Variants in SSBP4 observed in about 807,000 individuals in gnomAD.
SSBP4 encodes the protein single stranded DNA binding protein 4.
SSBP4 carries 33 observed loss-of-function variants against 64.6 expected under a neutral mutation model. That is an observed-to-expected ratio of 0.51 (90% CI 0.39 to 0.68). SSBP4 has a LOEUF of 0.68. SSBP4 is among the 30% of genes least tolerant of loss of function. The pLI, the probability that SSBP4 is intolerant of heterozygous loss-of-function variation, is 0.00. For synonymous variants in SSBP4, 243 were observed against 224.0 expected (o/e 1.08, Z -0.76); for missense variants, 583 against 566.8 (o/e 1.03, Z -0.29).
rs577103190 is a variant in SSBP4 at position 18,429,308 on chromosome 19, C to T, written c.279+1326C>T. Among the ~76,000 whole-genome samples, 105 of 152,040 alleles carry T rather than the reference C, an allele frequency of 6.9e-4. 1 individual carries two copies. The highest frequency in any genetic ancestry group is 2.2e-3 in the African/African-American group (90 of 41,486). On this transcript the variant is annotated intron_variant, in intron 4 of 17. Transcript: ENST00000270061. ...CCGACCTTGGCGTCTCCAGGAAACG[C>T]CGGAGCGCCCAGCCCATCGCCATGG... is the stretch of plus-strand genomic sequence containing the variant.
intron 1 of SSBP4, among the ~76,000 whole-genome samples, chr19:18,425,589 G>A (rs1354995215): frequency 6.6e-6 from 1 of 150,792 alleles, no homozygotes; most frequent in Non-Finnish European, 1.5e-5. Context: ...AGCTAGACAG[G>A]TGGGCCTGCA....
rs1448257304 is a variant in SSBP4, at chr19:18,432,832, C to G, written c.790C>G (p.Pro264Ala). The G allele has an allele frequency of 6.2e-7, 1 of 1,613,824 alleles. No homozygotes were observed. The highest frequency in any genetic ancestry group is 1.3e-5 in the African/African-American group (1 of 74,888). Residue 264 changes from proline (P) to alanine (A), a missense_variant, in exon 13 of 18, where the codon CCC (proline) becomes GCC (alanine). By Grantham distance (27) the Pro-to-Ala change is conservative (BLOSUM62 -1). This residue lies in a region of SSBP4 where 444 missense variants were observed against 386.6 expected (regional missense o/e 1.15). Coordinates refer to ENST00000270061, the MANE Select transcript of SSBP4 (RefSeq NM_032627.5). ...GGTTCCTGTCTCTTGTGTGCAGGGACCCCCAGGAGGAGGTGGGCCCCCTGG... is the reference window on the plus strand; with the variant it reads ...GGTTCCTGTCTCTTGTGTGCAGGGAGCCCCAGGAGGAGGTGGGCCCCCTGG... ...SSSSPGSYTG[P>A]PGGGGPPGTP...
chr19:18,415,016 C>A (rs1215594329), upstream of SSBP4, among the ~76,000 whole-genome samples: 1 of 152,148 alleles, frequency 6.6e-6, no homozygotes, highest in African/African-American at 2.4e-5. Flanking sequence ...CCCCTCTGCC[C>A]ATGCTGGCCA....
At chr19:18,407,131 G>A in the SSBP4 span, among the ~76,000 whole-genome samples, 262 of 152,068 alleles carry the variant, frequency 1.7e-3, no homozygotes, top group African/African-American at 5.7e-3. Flanking sequence ...TCTGCCTCCC[G>A]GGTTCAAGCG....
the SSBP4 span, among the ~76,000 whole-genome samples, chr19:18,407,803 C>A: frequency 1.3e-5 from 2 of 152,170 alleles, no homozygotes; most frequent in African/African-American, 2.4e-5. Flanking sequence ...GGTGCAGTGG[C>A]GCAATCATGG....
chr19:18,415,679 A>C (rs1417125047), upstream of SSBP4, among the ~76,000 whole-genome samples: 1 of 152,164 alleles, frequency 6.6e-6, no homozygotes, highest in African/African-American at 2.4e-5. Flanking sequence ...GAGCCTCAGT[A>C]GGCCAGGCCA....
intron 15 of SSBP4, 132 bp from the exon 16 acceptor site, chr19:18,433,453 G>A: frequency 6.8e-7 from 1 of 1,467,244 alleles, no homozygotes; most frequent in East Asian, 2.5e-5. Context: ...CTCAGTCCCG[G>A]GGTTCCTGGC....
At chr19:18,432,939 C>G (rs1423219233) in intron 13 of SSBP4, 34 bp from the exon 14 acceptor site, 1 of 1,613,962 alleles carries the variant, frequency 6.2e-7, no homozygotes, top group Non-Finnish European at 8.5e-7. Flanking sequence ...GGGGGAAACC[C>G]CGTCACACCT....
the SSBP4 span, among the ~76,000 whole-genome samples, chr19:18,413,360 G>A: frequency 2.8e-3 from 433 of 152,038 alleles, 4 homozygotes; most frequent in African/African-American, 0.01. Context: ...ATACAGGCAC[G>A]CGCCACCACG....
At chr19:18,433,413 CT>C (rs988683250) in intron 15 of SSBP4, 171 bp from the exon 16 acceptor site, 1 of 1,315,646 alleles carries the variant, frequency 7.6e-7, no homozygotes, top group Non-Finnish European at 1.1e-6. Flanking sequence ...CTGACCGCCC[CT>C]CCCCCCCAGG....
chr19:18,422,523 G>A (rs571703907), intron 1 of SSBP4, among the ~76,000 whole-genome samples: 10 of 152,326 alleles, frequency 6.6e-5, no homozygotes, highest in African/African-American at 9.6e-5. Context: ...CCAGATGGCC[G>A]CATGCACCCA....
chr19:18,411,221 A>G, the SSBP4 span, among the ~76,000 whole-genome samples: 19,535 of 151,870 alleles, frequency 0.13, 1,307 homozygotes, highest in South Asian at 0.16. Context: ...GGTCAGGTGC[A>G]TGGGCTCACG....
intron 4 of SSBP4, among the ~76,000 whole-genome samples, chr19:18,430,395 C>G (rs957887588): frequency 3.9e-5 from 6 of 152,306 alleles, no homozygotes; most frequent in Admixed American, 3.3e-4. Context: ...GGGATGGGGA[C>G]CCCACCCCAG....
chr19:18,416,305 G>A (rs1415197832), upstream of SSBP4, among the ~76,000 whole-genome samples: 11 of 152,042 alleles, frequency 7.2e-5, no homozygotes, highest in African/African-American at 2.7e-4. Context: ...ATGAGCCACC[G>A]CGCCCGGCCG....
In SSBP4 at chr19:18,434,203, T is replaced by C; in HGVS notation, c.1129-14T>C. 9 of 1,610,696 alleles carry C rather than the reference T, an allele frequency of 5.6e-6. No individual in the cohort carries two copies. Among genetic ancestry groups the C allele is most frequent in the Non-Finnish European group, 6.8e-6 (8 of 1,179,092 alleles). On this transcript the variant is annotated splice_polypyrimidine_tract_variant and intron_variant, in intron 17 of 17. Transcript: ENST00000270061. ...AACTCGGCCCCTGCGCGCTGCCCCC[T>C]CCTCTCTCCGCAGTACTCGCCAGGG...
In SSBP4 at chr19:18,426,053, T is replaced by C. The variant is rs1014169615; in HGVS notation, c.60-1298T>C. The C allele has an allele frequency of 1.2e-4, 18 of 152,246 alleles. No homozygotes were observed. The highest frequency in any genetic ancestry group is 3.1e-4 in the African/African-American group (13 of 41,376). 9.4% of individuals were successfully genotyped at this position (152,246 alleles called of 1,614,324 possible). ...CGAAGGAGGGGAGGCAGGATGAGAT[T>C]TGGGGCAAGGGCAGTGCCCATGAGG... On this transcript the variant is annotated intron_variant, in intron 1 of 17. Transcript: ENST00000270061. This position sits in a 1 kb window ranked among gnomAD's most constrained non-coding sequence, Gnocchi z 4.5.
chr19:18,408,416 A>G, the SSBP4 span, among the ~76,000 whole-genome samples: 26,750 of 150,938 alleles, frequency 0.18, 2,490 homozygotes, highest in South Asian at 0.23. Context: ...TGCCTCTTTA[A>G]CCCCCAGGAG....
chr19:18,428,049 GGTGGGGT>G, intron 4 of SSBP4, 67 bp downstream of exon 4: 1 of 1,458,944 alleles, frequency 6.9e-7, no homozygotes, highest in Admixed American at 1.8e-5. Context: ...TGGCTGGGGA[GGTGGGGT>G]GGGGGGCTGC....
intron 5 of SSBP4, 74 bp downstream of exon 5, chr19:18,431,004 G>C (rs984651188): frequency 1.1e-5 from 16 of 1,520,136 alleles, no homozygotes; most frequent in African/African-American, 4.1e-5. Context: ...GGGGTCCCAC[G>C]TGGGCAGAGG....
Sources: allele counts gnomAD v4.1 joint callset (sites outside exome capture counted in the v4.1 genomes callset), GRCh38; gene constraint gnomAD v4.1.1; regional missense constraint gnomAD v4.1.1; non-coding constraint Gnocchi (gnomAD v3.1); transcripts MANE v1.5; gene names NCBI Gene and HGNC (gene_info 2026-07-23, HGNC 2026-07-21).